GLYATL1: variants seen among roughly 807,000 people sequenced by gnomAD.
The protein encoded by GLYATL1 is glycine N-acyltransferase-like protein 1.
GLYATL1 carries 15 observed loss-of-function variants against 20.0 expected under a neutral mutation model. That is an observed-to-expected ratio of 0.75 (90% CI 0.50 to 1.15). The LOEUF (loss-of-function observed/expected upper bound fraction) is 1.15, where lower values mean the gene tolerates loss of function less well. Ranked by LOEUF, GLYATL1 falls within the 50% of genes most tolerant of loss-of-function variation. The probability of loss-of-function intolerance (pLI) is 0.00; values close to 1 mark genes in which losing one functional copy is unlikely to be tolerated. For synonymous variants in GLYATL1, 151 were observed against 131.5 expected (o/e 1.15, Z -1.01); for missense variants, 380 against 368.5 (o/e 1.03, Z -0.26).
intron 1 of GLYATL1, among the ~76,000 whole-genome samples, chr11:58,932,953 T>C (rs1855667614): frequency 1.3e-5 from 2 of 152,242 alleles, no homozygotes; most frequent in Non-Finnish European, 2.9e-5. Context: ...ATGTTTATTA[T>C]ATGAAATATT....
At chr11:58,920,780 C>T (rs189467669) in intron 1 of GLYATL1, among the ~76,000 whole-genome samples, 3 of 152,294 alleles carry the variant, frequency 2.0e-5, no homozygotes, top group East Asian at 1.9e-4. Flanking sequence ...AAAGTTATAA[C>T]TGAGTGCGGT....
At chr11:58,914,679 A>G (rs1428940762) in intron 1 of GLYATL1, among the ~76,000 whole-genome samples, 1 of 152,036 alleles carries the variant, frequency 6.6e-6, no homozygotes, top group Non-Finnish European at 1.5e-5. Context: ...GATAGGATTA[A>G]CTCCCTTGAA....
Position 58,939,644 on chromosome 11 carries a change from C to T in GLYATL1, c.-173C>T, listed in dbSNP as rs1436450365. 1 of 152,216 alleles carries T rather than the reference C, an allele frequency of 6.6e-6. No homozygotes were observed. The highest frequency in any genetic ancestry group is 1.5e-5 in the Non-Finnish European group (1 of 68,070). The allele number at this position is 152,216 out of a possible 1,614,324, so 9.4% of individuals were successfully genotyped here. On this transcript the variant is annotated 5_prime_UTR_variant, in exon 1 of 7. The change creates a premature stop within an existing upstream ORF in the 5' untranslated region. Transcript: ENST00000532726. ...GCCTTTGGAATTTCACATCGGCATCCAGATAGGTGACTGTCCTTTGTGGGC... is the reference window on the plus strand; with the variant it reads ...GCCTTTGGAATTTCACATCGGCATCTAGATAGGTGACTGTCCTTTGTGGGC...
chr11:58,920,124 T>C (rs997363594), intron 1 of GLYATL1, among the ~76,000 whole-genome samples: 4 of 152,216 alleles, frequency 2.6e-5, no homozygotes, highest in Non-Finnish European at 5.9e-5. Context: ...CCTCTTTGTC[T>C]GCCTTCCTGT....
chr11:58,946,925 C>A, intron 2 of GLYATL1, 121 bp from the exon 3 acceptor site: 1 of 768,004 alleles, frequency 1.3e-6, no homozygotes, highest in Non-Finnish European at 2.3e-6. Flanking sequence ...TTGGTGTATT[C>A]AGAATGAATA....
intron 1 of GLYATL1, chr11:58,928,484 AC>A (rs1413461212): frequency 1.1e-4 from 16 of 152,194 alleles, no homozygotes; most frequent in Admixed American, 9.8e-4. Context: ...GTTTCTGCAG[AC>A]CCCTGACTGT....
chr11:58,948,528 T>C (rs1856747679), intron 4 of GLYATL1, among the ~76,000 whole-genome samples: 1 of 152,108 alleles, frequency 6.6e-6, no homozygotes, highest in African/African-American at 2.4e-5. Context: ...TACTCCTAGC[T>C]ACTCAGGAGG....
downstream of GLYATL1, among the ~76,000 whole-genome samples, chr11:58,909,473 T>A (rs1854987413): frequency 6.6e-6 from 1 of 152,208 alleles, no homozygotes; most frequent in East Asian, 1.9e-4. Flanking sequence ...ATTCTGGTGA[T>A]AATGTATCTC....
chr11:58,954,139 C>G (rs932076274), intron 4 of GLYATL1, among the ~76,000 whole-genome samples: 1 of 152,176 alleles, frequency 6.6e-6, no homozygotes, highest in Admixed American at 6.5e-5. Context: ...GTATCTTGCT[C>G]AAGCCCTGGA....
chr11:58,953,962 C>G (rs146177657), intron 4 of GLYATL1, among the ~76,000 whole-genome samples: 7 of 152,116 alleles, frequency 4.6e-5, no homozygotes, highest in Admixed American at 2.6e-4. Context: ...CTTTCAAACC[C>G]AAGAGTCTAA....
exon 2 of GLYATL1, chr11:58,908,435 T>C (rs1417515635): frequency 1.2e-5 from 2 of 171,466 alleles, no homozygotes; most frequent in Non-Finnish European, 2.6e-5. Flanking sequence ...TTTCCACTAG[T>C]AGAAGTTAGT....
intron 6 of GLYATL1, 78 bp downstream of exon 6, chr11:58,955,431 T>C: frequency 1.2e-5 from 17 of 1,438,660 alleles, no homozygotes; most frequent in Non-Finnish European, 1.4e-5. Context: ...AGTTTTGGAA[T>C]GAAGAGAGGA....
At position 58,947,947 on chromosome 11, in the gene GLYATL1, T is replaced by A. The variant is rs748474482; in HGVS notation, c.168T>A (p.Ile56=). The change falls in exon 4 of 7, where the codon ATT becomes ATA. Residue 56 remains isoleucine (I), a synonymous_variant. Coordinates refer to ENST00000532726, the MANE Select transcript of GLYATL1 (RefSeq NM_001389712.2). ...VDSWPEYQMV[I]IRPQKQEMTD... is the part of the protein sequence containing the mutation. The stretch of plus-strand genomic sequence containing the variant: ...CCTGGCCTGAATATCAGATGGTTAT[T>A]ATCCGGCCTCAAAAGCAGGTAGGCA... 7.4e-6 allele frequency: 12 copies of A among 1,613,398 alleles called. No individual in the cohort carries two copies. The Admixed American group carries it at 1.2e-4, about 16-fold the overall frequency.
At chr11:58,929,803 T>C (rs1279224744) in intron 1 of GLYATL1, among the ~76,000 whole-genome samples, 1 of 152,258 alleles carries the variant, frequency 6.6e-6, no homozygotes, top group East Asian at 1.9e-4. Context: ...GCTAAACTCA[T>C]TGGCTTCCCT....
intron 1 of GLYATL1, chr11:58,943,273 T>C: frequency 1.3e-6 from 2 of 1,542,198 alleles, no homozygotes; most frequent in Non-Finnish European, 1.7e-6. Context: ...CCAGCAGCCA[T>C]ACTTCAACTA....
chr11:58,946,132 A>G (rs937698578), intron 2 of GLYATL1, among the ~76,000 whole-genome samples: 6 of 152,202 alleles, frequency 3.9e-5, no homozygotes, highest in Admixed American at 6.5e-5. Context: ...ACATCATTGA[A>G]TATAATTGCT....
downstream of GLYATL1, among the ~76,000 whole-genome samples, chr11:58,910,011 T>A (rs1203040861): frequency 6.6e-6 from 1 of 152,210 alleles, no homozygotes; most frequent in Non-Finnish European, 1.5e-5. Flanking sequence ...CTCCCAATAA[T>A]GAGTCTATCC....
chr11:58,942,638 G>C (rs1190095102), intron 1 of GLYATL1: 1 of 152,126 alleles, frequency 6.6e-6, no homozygotes, highest in Admixed American at 6.5e-5. Flanking sequence ...GAGACATAAT[G>C]AGTTTGAGAT....
Position 58,943,678 on chromosome 11 carries a change from C to G in GLYATL1, c.-43+12C>G. 1 of 1,610,962 alleles carries G rather than the reference C, an allele frequency of 6.2e-7. No homozygotes were observed. Among genetic ancestry groups the G allele is most frequent in the Non-Finnish European group, 8.5e-7 (1 of 1,178,700 alleles). ...GCTGAGGATAATAGGTAAGCTCCCT[C>G]TCGCATTTTGGAGCTTCACACGTTG... On this transcript the variant is annotated intron_variant, in intron 2 of 6. Transcript: ENST00000532726.
Sources: allele counts gnomAD v4.1 joint callset (sites outside exome capture counted in the v4.1 genomes callset), GRCh38; gene constraint gnomAD v4.1.1; transcripts MANE v1.5; gene names NCBI Gene and HGNC (gene_info 2026-07-23, HGNC 2026-07-21).